The following TRIM2 variants were observed in gnomAD, a reference collection of about 807,000 sequenced individuals.
TRIM2 encodes tripartite motif containing 2.
A neutral mutation model predicts 75.2 loss-of-function variants in TRIM2; 20 were observed. The ratio of observed to expected loss-of-function variants is 0.27; its 90% CI spans 0.19 to 0.39. The LOEUF (loss-of-function observed/expected upper bound fraction) is 0.39, where lower values mean the gene tolerates loss of function less well. Among genes scored for constraint, TRIM2 ranks in the 10% least tolerant of loss-of-function variants. The probability of loss-of-function intolerance (pLI) is 1.00; values close to 1 mark genes in which losing one functional copy is unlikely to be tolerated. For synonymous variants in TRIM2, 373 were observed against 388.3 expected, an observed-to-expected ratio of 0.96 and a Z score of 0.46; for missense variants, 660 against 990.8, an observed-to-expected ratio of 0.67 and a Z score of 4.48.
Position 153,296,021 on chromosome 4 carries a change from T to C in TRIM2, c.1495T>C (p.Leu499=). The C allele has an allele frequency of 1.3e-6, 2 of 1,523,114 alleles. No homozygotes were observed. Among genetic ancestry groups the C allele is most frequent in the South Asian group, 1.3e-5 (1 of 75,180 alleles). The allele number at this position is 1,523,114 out of a possible 1,614,324, so 94.3% of individuals were successfully genotyped here. A position where few individuals can be genotyped will look rare whatever the true frequency, so the allele number is the denominator to read the frequency against. ...KRKENPIEDD[L]IFRVGTKGRN... is the part of the protein sequence containing the mutation. ...AAAAGAGAATCCCATCGAAGACGAT[T>C]TGATCTTTCGAGTGGGTAAGGAGAG... The change falls in exon 6 of 12, where the codon TTG becomes CTG. Residue 499 remains leucine, a synonymous_variant. Transcript: ENST00000338700.
At chr4:153,313,627 CTTTTTT>C (rs398051309) in intron 6 of TRIM2, among the ~76,000 whole-genome samples, 4 of 98,524 alleles carry the variant, frequency 4.1e-5, no homozygotes, top group African/African-American at 1.8e-4. Flanking sequence ...AGCAATGGCT[CTTTTTT>C]TTTTTTTTTT....
intron 2 of TRIM2, among the ~76,000 whole-genome samples, chr4:153,273,457 T>G (rs1453604234): frequency 7.1e-6 from 1 of 140,188 alleles, no homozygotes; most frequent in Non-Finnish European, 1.5e-5. Flanking sequence ...TTTTTTTTTT[T>G]TTTTTTTTTG....
At chr4:153,161,598 C>G (rs1729744220) in intron 1 of TRIM2, among the ~76,000 whole-genome samples, 1 of 152,166 alleles carries the variant, frequency 6.6e-6, no homozygotes. Flanking sequence ...ATTCTGCTCC[C>G]CTTGGAGTTC....
chr4:153,310,133 A>G (rs954853200), intron 6 of TRIM2: 2 of 152,218 alleles, frequency 1.3e-5, no homozygotes, highest in Non-Finnish European at 2.9e-5. Flanking sequence ...AAACAAAATG[A>G]TTTAATTATG....
upstream of TRIM2, among the ~76,000 whole-genome samples, chr4:153,152,190 T>C (rs1728794165): frequency 6.6e-6 from 1 of 152,064 alleles, no homozygotes; most frequent in Admixed American, 6.5e-5. Flanking sequence ...TTAGAAGGCC[T>C]AGTGCTAAGT....
chr4:153,283,861 C>CTTTTTTTTTTTTTTTT (rs71598257), intron 3 of TRIM2, among the ~76,000 whole-genome samples: 5 of 53,276 alleles, frequency 9.4e-5, no homozygotes, highest in African/African-American at 3.4e-4. Flanking sequence ...TGGCCTTGAT[C>CTTTTTTTTTTTTTTTT]TTTTTTTTTT....
chr4:153,205,845 A>G (rs1212715345), intron 1 of TRIM2, among the ~76,000 whole-genome samples: 1 of 152,198 alleles, frequency 6.6e-6, no homozygotes, highest in Non-Finnish European at 1.5e-5. Context: ...GACGCCAAGC[A>G]ACATGAATGC....
intron 6 of TRIM2, among the ~76,000 whole-genome samples, chr4:153,298,731 T>C (rs1251430868): frequency 6.6e-6 from 1 of 152,114 alleles, no homozygotes; most frequent in Non-Finnish European, 1.5e-5. Flanking sequence ...GTGTATATAA[T>C]ATATTTCTTT....
intron 11 of TRIM2, among the ~76,000 whole-genome samples, chr4:153,331,150 T>C (rs907154868): frequency 3.9e-5 from 6 of 152,034 alleles, no homozygotes; most frequent in African/African-American, 1.4e-4. Flanking sequence ...AGGACGACAC[T>C]ATCTCTACAA....
At chr4:153,159,296 C>CTTTTTTTTTTTTTTTTT (rs11318531) in intron 1 of TRIM2, among the ~76,000 whole-genome samples, 1 of 89,160 alleles carries the variant, frequency 1.1e-5, no homozygotes, top group Non-Finnish European at 2.0e-5. Flanking sequence ...TTTACAAAAT[C>CTTTTTTTTTTTTTTTTT]TTTTTTTTTT....
At chr4:153,239,625 A>G (rs1209814777) in intron 1 of TRIM2, among the ~76,000 whole-genome samples, 1 of 152,192 alleles carries the variant, frequency 6.6e-6, no homozygotes, top group Non-Finnish European at 1.5e-5. Flanking sequence ...GAATGAATAC[A>G]TGAATGTTAG....
At chr4:153,245,322 T>C (rs1056579444) in intron 1 of TRIM2, among the ~76,000 whole-genome samples, 1 of 152,256 alleles carries the variant, frequency 6.6e-6, no homozygotes, top group Non-Finnish European at 1.5e-5. Flanking sequence ...TTTATAATGT[T>C]GTTAGTCAGA....
At chr4:153,195,968 C>G (rs1490940341) in intron 1 of TRIM2, among the ~76,000 whole-genome samples, 4 of 152,158 alleles carry the variant, frequency 2.6e-5, no homozygotes, top group East Asian at 1.9e-4. Flanking sequence ...CACCATTATG[C>G]CTGGCTAATT....
At chr4:153,197,458 G>C (rs548194489) in intron 1 of TRIM2, among the ~76,000 whole-genome samples, 1 of 152,126 alleles carries the variant, frequency 6.6e-6, no homozygotes, top group Non-Finnish European at 1.5e-5. Context: ...CTATGGACTC[G>C]ATGTTTGTGT....
intron 1 of TRIM2, among the ~76,000 whole-genome samples, chr4:153,233,383 G>C (rs1399959453): frequency 6.6e-6 from 1 of 152,184 alleles, no homozygotes; most frequent in Non-Finnish European, 1.5e-5. Flanking sequence ...TTATTGGAAA[G>C]TTGTGGGGTT....
chr4:153,177,918 C>G (rs1731636833), intron 1 of TRIM2, among the ~76,000 whole-genome samples: 2 of 152,072 alleles, frequency 1.3e-5, no homozygotes, highest in Admixed American at 6.6e-5. Context: ...CCTTCCACCT[C>G]AGCCTAACGA....
chr4:153,338,235 A>C lies in TRIM2; in HGVS notation c.*3269A>C. On this transcript the variant is annotated 3_prime_UTR_variant, in exon 12 of 12. Transcript: ENST00000338700. ...TCCTTAGCACTGACGGGTTAACAGA[A>C]ATGCTTTGGTAATACCTACTTAGTT... 8 of 985,856 alleles carry C rather than the reference A, an allele frequency of 8.1e-6. No individual in the cohort carries two copies. Among genetic ancestry groups the C allele is most frequent in the Non-Finnish European group, 9.6e-6 (8 of 829,926 alleles). The allele number at this position is 985,856 out of a possible 1,614,324, so 61.1% of individuals were successfully genotyped here.
chr4:153,242,735 T>C (rs765374467), intron 1 of TRIM2, among the ~76,000 whole-genome samples: 4 of 152,252 alleles, frequency 2.6e-5, no homozygotes, highest in Non-Finnish European at 5.9e-5. Flanking sequence ...TGGGTCTGCC[T>C]GTAAAGAGAG....
chr4:153,274,519 C>G (rs1757587050), intron 2 of TRIM2, among the ~76,000 whole-genome samples: 1 of 152,158 alleles, frequency 6.6e-6, no homozygotes, highest in East Asian at 1.9e-4. Context: ...GAAAAGATGT[C>G]AACAGGTCAG....
Sources: allele counts gnomAD v4.1 joint callset (sites outside exome capture counted in the v4.1 genomes callset), GRCh38; gene constraint gnomAD v4.1.1; transcripts MANE v1.5; gene names NCBI Gene and HGNC (gene_info 2026-07-23, HGNC 2026-07-21).